The following INPP5F variants were observed in gnomAD, a reference collection of about 807,000 sequenced individuals.
INPP5F encodes phosphatidylinositide 4-phosphatase SAC2.
Under a neutral mutation model 137.2 loss-of-function variants are expected in INPP5F, and 97 were observed. The ratio of observed to expected loss-of-function variants is 0.71; its 90% CI spans 0.60 to 0.84. The LOEUF is 0.84. Among genes scored for constraint, INPP5F ranks in the 40% least tolerant of loss-of-function variants. The pLI, the probability that INPP5F is intolerant of heterozygous loss-of-function variation, is 0.00. For synonymous variants in INPP5F, 504 were observed against 476.9 expected, an observed-to-expected ratio of 1.06 and a Z score of -0.74; for missense variants, 1,271 against 1,371.9, an observed-to-expected ratio of 0.93 and a Z score of 1.16.
rs892777783 is a variant in INPP5F, at chr10:119,827,630, T to A, written c.3249T>A (p.Ser1083Arg). ...GAAGTTCCATGGTCCAGGTTGCTAG[T>A]ATTACCCAAGCTGGATTAACCCATG... ...KIRSSMVQVA[S>R]ITQAGLTHGI... The change falls in exon 20 of 20, where the codon AGT becomes AGA. Residue 1083 changes from serine to arginine, a missense_variant. Ser to Arg is a moderately radical substitution (Grantham distance 110, BLOSUM62 -1). This residue lies in a region of INPP5F where 490 missense variants were observed against 443.7 expected (regional missense o/e 1.10). Coordinates refer to ENST00000650623, the MANE Select transcript of INPP5F (RefSeq NM_014937.4). The A allele has an allele frequency of 5.0e-6, 8 of 1,614,058 alleles. No individual in the cohort carries two copies. The Admixed American group carries it at 8.3e-5, about 17-fold the overall frequency.
intron 2 of INPP5F, among the ~76,000 whole-genome samples, chr10:119,779,546 A>G (rs1257905684): frequency 6.6e-6 from 1 of 151,890 alleles, no homozygotes; most frequent in Admixed American, 6.6e-5. Context: ...CAGCCTCCCG[A>G]GTAGCTGGGA....
chr10:119,764,305 G>C (rs1213717573), intron 2 of INPP5F, among the ~76,000 whole-genome samples: 1 of 152,090 alleles, frequency 6.6e-6, no homozygotes, highest in East Asian at 1.9e-4. Flanking sequence ...AGAACCAATA[G>C]TGTATACGCG....
chr10:119,731,515 T>C (rs911555410), intron 1 of INPP5F, among the ~76,000 whole-genome samples: 7 of 151,998 alleles, frequency 4.6e-5, no homozygotes, highest in Non-Finnish European at 8.8e-5. Context: ...AATACAAAAA[T>C]TAGCTGGGTG....
chr10:119,798,850 C>CA (rs1274235797), intron 9 of INPP5F, among the ~76,000 whole-genome samples: 2 of 137,928 alleles, frequency 1.5e-5, no homozygotes, highest in African/African-American at 5.4e-5. Flanking sequence ...AGGCTGGACT[C>CA]AAACTGCTGG....
chr10:119,825,222 C>A (rs932127064), intron 19 of INPP5F, among the ~76,000 whole-genome samples: 1 of 152,134 alleles, frequency 6.6e-6, no homozygotes, highest in African/African-American at 2.4e-5. Context: ...TCATGTATTA[C>A]TTTTTCATGT....
rs746923029 is a variant in INPP5F, at chr10:119,796,721, G to C, written c.676G>C (p.Asp226His). The C allele has an allele frequency of 1.2e-6, 2 of 1,613,446 alleles. No homozygotes were observed. Among genetic ancestry groups the C allele is most frequent in the African/African-American group, 1.3e-5 (1 of 75,044 alleles). Residue 226 changes from aspartate to histidine, a missense_variant, in exon 7 of 20, where the codon GAT (aspartate) becomes CAT (histidine). Coordinates refer to ENST00000650623, the MANE Select transcript of INPP5F (RefSeq NM_014937.4). Reference sequence around the variant, plus strand: ...ATGTTCATTTTGTTTTCAGACTCCAGATGTGGACTTTTGGATTATCCCCAT... The same window carrying C: ...ATGTTCATTTTGTTTTCAGACTCCACATGTGGACTTTTGGATTATCCCCAT... ...IQDLTEIGTP[D>H]VDFWIIPMIQ...
intron 15 of INPP5F, among the ~76,000 whole-genome samples, chr10:119,813,042 T>C (rs1385611248): frequency 6.6e-6 from 1 of 152,206 alleles, no homozygotes. Flanking sequence ...TGATTGTCAA[T>C]ATCATCTTTC....
At chr10:119,796,073 A>C (rs1316420798) in intron 6 of INPP5F, among the ~76,000 whole-genome samples, 3 of 16,924 alleles carry the variant, frequency 1.8e-4, no homozygotes, top group African/African-American at 4.5e-4. Flanking sequence ...CCGTGGGGAG[A>C]GGGAGAGGGG....
chr10:119,809,927 GTAGAATACTAGTAGATATTTTA>G (rs992770262), intron 13 of INPP5F, among the ~76,000 whole-genome samples, 151 bp from the exon 14 acceptor site: 2 of 152,166 alleles, frequency 1.3e-5, no homozygotes, highest in Non-Finnish European at 2.9e-5. Flanking sequence ...TTAGATCAGG[GTAGAATACTAGTAGATATTTTA>G]ATTTAACTAT....
intron 2 of INPP5F, among the ~76,000 whole-genome samples, chr10:119,778,631 C>T (rs930909932): frequency 5.3e-5 from 8 of 152,084 alleles, no homozygotes; most frequent in Admixed American, 3.9e-4. Flanking sequence ...ATATTTAGTT[C>T]TCTGTTCAAT....
In INPP5F at chr10:119,726,310, G is replaced by A; in HGVS notation, c.48G>A (p.Glu16=). Residue 16 remains glutamate (E), a synonymous_variant, in exon 1 of 20, where the codon GAG becomes GAA. Transcript: ENST00000650623. ...ACCACTACATCCTGCAGCAGGGCGAGCGCGCGCTGTGGTGCAGCCGCCGCG... is the reference window on the plus strand; with the variant it reads ...ACCACTACATCCTGCAGCAGGGCGAACGCGCGCTGTGGTGCAGCCGCCGCG... ...AKDHYILQQG[E]RALWCSRRDG... 6.7e-7 allele frequency: 1 copy of A among 1,485,916 alleles called. No homozygotes were observed. Among genetic ancestry groups the A allele is most frequent in the Non-Finnish European group, 9.0e-7 (1 of 1,116,904 alleles). 92.0% of individuals were successfully genotyped at this position (1,485,916 alleles called of 1,614,324 possible). A position where few individuals can be genotyped will look rare whatever the true frequency, so the allele number is the denominator to read the frequency against.
intron 16 of INPP5F, among the ~76,000 whole-genome samples, chr10:119,821,553 T>C (rs1564854575): frequency 6.6e-6 from 1 of 152,234 alleles, no homozygotes; most frequent in South Asian, 2.1e-4. Context: ...TATTTTTGGC[T>C]TTGTGTAAAC....
chr10:119,806,113 A>G (rs1339798983), intron 11 of INPP5F, among the ~76,000 whole-genome samples: 2 of 151,168 alleles, frequency 1.3e-5, no homozygotes, highest in African/African-American at 2.4e-5. Flanking sequence ...TAGTTATAGG[A>G]CTTGGCAAGT....
At chr10:119,788,947 C>T (rs553402724) in intron 3 of INPP5F, among the ~76,000 whole-genome samples, 14 of 152,214 alleles carry the variant, frequency 9.2e-5, no homozygotes, top group African/African-American at 2.9e-4. Flanking sequence ...TTTTGTTGGC[C>T]GGGCGCAGTG....
At chr10:119,815,348 T>TGTTACGTGC (rs1227186534) in intron 15 of INPP5F, 1 of 152,298 alleles carries the variant, frequency 6.6e-6, no homozygotes, top group Non-Finnish European at 1.5e-5. Context: ...TCTTTACCTG[T>TGTTACGTGC]GTTACGTGCC....
At chr10:119,795,137 C>T (rs920398700) in intron 6 of INPP5F, among the ~76,000 whole-genome samples, 1 of 148,984 alleles carries the variant, frequency 6.7e-6, no homozygotes, top group Non-Finnish European at 1.5e-5. Context: ...GGCTGACCCC[C>T]CCACCTCCCT....
At chr10:119,757,115 C>A (rs1472628142) in intron 2 of INPP5F, among the ~76,000 whole-genome samples, 3 of 151,948 alleles carry the variant, frequency 2.0e-5, no homozygotes, top group African/African-American at 7.3e-5. Context: ...TGTTCTGTCG[C>A]CCAGGCTGGA....
intron 9 of INPP5F, among the ~76,000 whole-genome samples, chr10:119,799,875 C>T (rs1340872435): frequency 6.6e-6 from 1 of 152,166 alleles, no homozygotes; most frequent in East Asian, 1.9e-4. Context: ...TAACTATTGT[C>T]TTCCCATGTT....
At chr10:119,771,924 C>A in intron 2 of INPP5F, among the ~76,000 whole-genome samples, 1 of 91,142 alleles carries the variant, frequency 1.1e-5, no homozygotes, top group South Asian at 3.6e-4. Flanking sequence ...GAGATGGAGT[C>A]TCACTCTGTT....
Sources: allele counts gnomAD v4.1 joint callset (sites outside exome capture counted in the v4.1 genomes callset), GRCh38; gene constraint gnomAD v4.1.1; regional missense constraint gnomAD v4.1.1; transcripts MANE v1.5; gene names NCBI Gene and HGNC (gene_info 2026-07-23, HGNC 2026-07-21).